Variants in P2RX6 observed in about 807,000 individuals in gnomAD.
The protein encoded by P2RX6 is purinergic receptor P2X 6, also known as P2X purinoceptor 6.
In P2RX6, 62 loss-of-function variants were observed where a neutral mutation model predicts 54.2. The ratio of observed to expected loss-of-function variants is 1.14; its 90% CI spans 0.93 to 1.41. The LOEUF (loss-of-function observed/expected upper bound fraction) is 1.41, where lower values mean the gene tolerates loss of function less well. Among genes scored for constraint, P2RX6 ranks in the 40% most tolerant of loss-of-function variants. The pLI is 0.00. For synonymous variants in P2RX6, 211 were observed against 231.9 expected (o/e 0.91, Z 0.82); for missense variants, 541 against 566.3 (o/e 0.96, Z 0.45).
chr22:21,023,184 G>A lies in P2RX6; in HGVS notation c.624G>A (p.Lys208=), dbSNP rs752123411. The A allele has an allele frequency of 1.9e-6, 3 of 1,613,960 alleles. No individual in the cohort carries two copies. Among genetic ancestry groups the A allele is most frequent in the Middle Eastern group, 3.3e-4 (2 of 6,062 alleles). ...LFIKNTVTFS[K]FNFSKSNALE... ...TCAAAAACACAGTCACCTTCAGCAA[G>A]TTCAACTTCTCTAAGTAAGCAGAGT... Residue 208 remains lysine, a synonymous_variant, in exon 6 of 12, where the codon AAG becomes AAA. Transcript: ENST00000413302.
chr22:21,019,726 C>T (rs934042753), intron 3 of P2RX6, among the ~76,000 whole-genome samples: 5 of 152,216 alleles, frequency 3.3e-5, no homozygotes, highest in Non-Finnish European at 7.3e-5. Context: ...CTGACAGCCT[C>T]GAACAGATTT....
chr22:21,016,481 C>T (rs535800662), intron 2 of P2RX6, among the ~76,000 whole-genome samples: 10 of 150,186 alleles, frequency 6.7e-5, no homozygotes, highest in African/African-American at 2.0e-4. Flanking sequence ...CGCAGCTACT[C>T]GGGAGGCTGG....
chr22:21,026,851 C>A lies in P2RX6; in HGVS notation c.*234C>A. On this transcript the variant is annotated 3_prime_UTR_variant, in exon 12 of 12. Transcript: ENST00000413302. This position sits in a 1 kb window ranked among gnomAD's most constrained non-coding sequence, Gnocchi z 4.0. ...ACCCGTGGAGACTGGGAGAGCCCAGCAGGCACCTGTATTGCAGGGCTCCGA... is the reference window on the plus strand; with the variant it reads ...ACCCGTGGAGACTGGGAGAGCCCAGAAGGCACCTGTATTGCAGGGCTCCGA... 2.5e-6 allele frequency: 2 copies of A among 811,938 alleles called. No individual in the cohort carries two copies. Among genetic ancestry groups the A allele is most frequent in the Non-Finnish European group, 3.7e-6 (2 of 536,348 alleles). 50.3% of individuals were successfully genotyped at this position (811,938 alleles called of 1,614,324 possible).
rs769311852 is a variant in P2RX6 at position 21,026,475 on chromosome 22, C to G, written c.1184C>G (p.Ser395Cys). ...GTGTGGAGGGAGCTGGCCCTTGCATCCCAAGCCCGACTGGCCGAGTGCCTC... is the reference window on the plus strand; with the variant it reads ...GTGTGGAGGGAGCTGGCCCTTGCATGCCAAGCCCGACTGGCCGAGTGCCTC... ...NSVWRELALA[S>C]QARLAECLRR... The change falls in exon 12 of 12, where the codon TCC becomes TGC. Residue 395 changes from serine to cysteine, a missense_variant. Physicochemically the swap from Ser to Cys is moderately radical, Grantham distance 112. This residue lies in a region of P2RX6 where 526 missense variants were observed against 531.5 expected (regional missense o/e 0.99). Transcript: ENST00000413302. The surrounding 1 kb of genome is among the most constrained non-coding windows in gnomAD (Gnocchi z 4.0). The G allele has an allele frequency of 6.2e-7, 1 of 1,602,160 alleles. No individual in the cohort carries two copies.
chr22:21,010,821 C>A (rs1161137782), upstream of P2RX6, among the ~76,000 whole-genome samples: 3 of 152,036 alleles, frequency 2.0e-5, no homozygotes, highest in African/African-American at 7.2e-5. Context: ...CCTCTCCACC[C>A]CACAGCCTGG....
In P2RX6 at chr22:21,026,273, C is replaced by T. The variant is rs981698123; in HGVS notation, c.1072C>T (p.Leu358=). Residue 358 remains leucine (L), a synonymous_variant, in exon 11 of 12, where the codon CTA becomes TTA. Coordinates refer to ENST00000413302, the MANE Select transcript of P2RX6 (RefSeq NM_005446.5). The surrounding 1 kb of genome is among the most constrained non-coding windows in gnomAD (Gnocchi z 4.0). The part of the protein sequence containing the change: ...LGVVTFFCDL[L]LLYVDREAHF... ...CCAGGTCACCTTTTTCTGTGACCTG[C>T]TACTGCTGTATGTGGATAGAGAAGC... 6.2e-7 allele frequency: 1 copy of T among 1,604,510 alleles called. No individual in the cohort carries two copies. The highest frequency in any genetic ancestry group is 1.3e-5 in the African/African-American group (1 of 74,922).
At position 21,023,538 on chromosome 22, in the gene P2RX6, G is replaced by A. The variant is rs754769852; in HGVS notation, c.810G>A (p.Trp270Ter). The A allele has an allele frequency of 1.2e-6, 2 of 1,613,788 alleles. No individual in the cohort carries two copies. The highest frequency in any genetic ancestry group is 1.1e-5 in the South Asian group (1 of 91,038). ...LGGSVGIRVH[W>*]DCDLDTGDSG... Reference sequence around the variant, plus strand: ...GCTCTGTAGGCATCAGAGTTCACTGGGATTGTGACCTGGACACCGGGGACT... The same window carrying A: ...GCTCTGTAGGCATCAGAGTTCACTGAGATTGTGACCTGGACACCGGGGACT... Residue 270 changes from tryptophan to a stop codon, truncating the protein, a stop_gained, in exon 8 of 12, where the codon TGG becomes TGA. Transcript: ENST00000413302. LOFTEE classifies it high-confidence loss of function.
chr22:21,018,588 A>G (rs2148026117), intron 3 of P2RX6: 2 of 163,480 alleles, frequency 1.2e-5, no homozygotes, highest in East Asian at 1.7e-4. Flanking sequence ...TGGTGAATTC[A>G]GGATTGCTTA....
chr22:21,018,330 G>C, intron 3 of P2RX6: 1 of 450,728 alleles, frequency 2.2e-6, no homozygotes, highest in Non-Finnish European at 4.1e-6. Context: ...CAGGCCTGTG[G>C]GTGACAGGAC....
chr22:21,024,949 C>T (rs1442541523), intron 8 of P2RX6, among the ~76,000 whole-genome samples: 8 of 140,980 alleles, frequency 5.7e-5, no homozygotes, highest in African/African-American at 1.9e-4. Flanking sequence ...GGCCCGATCT[C>T]GGCTCACTGC....
At chr22:21,011,448 G>A, upstream of P2RX6, 1 of 700,284 alleles carries the variant, frequency 1.4e-6, no homozygotes, top group Non-Finnish European at 2.7e-6. Flanking sequence ...GGGCCAGCAG[G>A]AGTTCGGCAA....
chr22:21,019,258 G>T (rs908596365), intron 3 of P2RX6, among the ~76,000 whole-genome samples: 3 of 152,212 alleles, frequency 2.0e-5, no homozygotes, highest in Admixed American at 1.3e-4. Flanking sequence ...TAGCACAGTT[G>T]CTGGAGACAT....
At chr22:21,013,051 C>G (rs1925840009), upstream of P2RX6, 1 of 158,152 alleles carries the variant, frequency 6.3e-6, no homozygotes, top group Non-Finnish European at 1.4e-5. Context: ...CCTGGGGCCC[C>G]AGGCCACCGT....
Position 21,023,167 on chromosome 22 carries a change from A to C in P2RX6, c.607A>C (p.Thr203Pro), listed in dbSNP as rs773083781. ...GAACTTCACACTGTTCATCAAAAAC[A>C]CAGTCACCTTCAGCAAGTTCAACTT... is the stretch of plus-strand genomic sequence containing the variant. ...AQNFTLFIKN[T>P]VTFSKFNFSK... The change falls in exon 6 of 12, where the codon ACA becomes CCA. Residue 203 changes from threonine to proline, a missense_variant. Thr to Pro is a conservative substitution (Grantham distance 38, BLOSUM62 -1). Transcript: ENST00000413302. The C allele has an allele frequency of 2.5e-6, 4 of 1,613,932 alleles. No homozygotes were observed. Among genetic ancestry groups the C allele is most frequent in the Middle Eastern group, 1.6e-4 (1 of 6,062 alleles).
At chr22:21,024,008 T>G (rs1601774284) in intron 8 of P2RX6, among the ~76,000 whole-genome samples, 1 of 151,194 alleles carries the variant, frequency 6.6e-6, no homozygotes, top group South Asian at 2.1e-4. Flanking sequence ...CAGGCTGGAG[T>G]GCAGTGGCCC....
rs1359625283 is a variant in P2RX6, at chr22:21,026,142, G to A, written c.1050+66G>A. On this transcript the variant is annotated intron_variant, in intron 10 of 11. Transcript: ENST00000413302. This position sits in a 1 kb window ranked among gnomAD's most constrained non-coding sequence, Gnocchi z 4.0. ...TGCTGCTGACCAGGGTGTGTCCAAT[G>A]CATGCTGGAGCCTCCGGTGCCTGCA... 1.3e-6 allele frequency: 2 copies of A among 1,543,826 alleles called. No individual in the cohort carries two copies. The highest frequency in any genetic ancestry group is 2.7e-5 in the African/African-American group (2 of 73,546).
intron 8 of P2RX6, among the ~76,000 whole-genome samples, 174 bp downstream of exon 8, chr22:21,023,792 G>A (rs545430800): frequency 4.0e-4 from 61 of 152,158 alleles, no homozygotes; most frequent in African/African-American, 1.3e-3. Flanking sequence ...CACAGGCTCC[G>A]TCCTGCTGCC....
intron 3 of P2RX6, among the ~76,000 whole-genome samples, chr22:21,019,674 G>T (rs1163918832): frequency 6.6e-6 from 1 of 152,256 alleles, no homozygotes; most frequent in Non-Finnish European, 1.5e-5. Flanking sequence ...CATAAATATA[G>T]AGGTGTGGAG....
In P2RX6 at chr22:21,028,004, A is replaced by C. The variant is rs1247010957; in HGVS notation, c.*1387A>C. On this transcript the variant is annotated 3_prime_UTR_variant, in exon 12 of 12. Coordinates refer to ENST00000413302, the MANE Select transcript of P2RX6 (RefSeq NM_005446.5). ...CAAAGTCACGGAGTAAAGCCAGCAA[A>C]GCCACCCTCTTCCTGTGTAGTCCTT... is the stretch of plus-strand genomic sequence containing the variant. The C allele has an allele frequency of 6.6e-6, 1 of 152,096 alleles. No homozygotes were observed. The highest frequency in any genetic ancestry group is 6.5e-5 in the Admixed American group (1 of 15,286). 9.4% of individuals were successfully genotyped at this position (152,096 alleles called of 1,614,324 possible).
Sources: allele counts gnomAD v4.1 joint callset (sites outside exome capture counted in the v4.1 genomes callset), GRCh38; gene constraint gnomAD v4.1.1; regional missense constraint gnomAD v4.1.1; non-coding constraint Gnocchi (gnomAD v3.1); transcripts MANE v1.5; gene names NCBI Gene and HGNC (gene_info 2026-07-23, HGNC 2026-07-21).